Variants in B4GALNT3 observed in about 807,000 individuals in gnomAD.
B4GALNT3 encodes beta-1,4-N-acetylgalactosaminyltransferase 3.
Under a neutral mutation model 120.2 loss-of-function variants are expected in B4GALNT3, and 86 were observed. The ratio of observed to expected loss-of-function variants is 0.72; its 90% CI spans 0.60 to 0.86. The LOEUF (loss-of-function observed/expected upper bound fraction) is 0.86, where lower values mean the gene tolerates loss of function less well. Among genes scored for constraint, B4GALNT3 ranks in the 40% least tolerant of loss-of-function variants. The probability of loss-of-function intolerance (pLI) is 0.00; values close to 1 mark genes in which losing one functional copy is unlikely to be tolerated. For missense variants in B4GALNT3, 1,167 were observed against 1,298.9 expected (o/e 0.90, Z 1.56); for synonymous variants, 518 against 510.4 (o/e 1.01, Z -0.20).
chr12:551,312 G>T (rs1332231832), intron 11 of B4GALNT3, among the ~76,000 whole-genome samples: 1 of 152,224 alleles, frequency 6.6e-6, no homozygotes, highest in African/African-American at 2.4e-5. Context: ...TGGCCTGGCT[G>T]AGGCTTCTTA....
intron 9 of B4GALNT3, 101 bp from the exon 10 acceptor site, chr12:549,668 G>A: frequency 2.0e-6 from 3 of 1,472,892 alleles, no homozygotes; most frequent in Non-Finnish European, 2.8e-6. Flanking sequence ...CGCCGCTGGA[G>A]TCAGGAGCCC....
At chr12:549,656 G>A (rs754623493) in intron 9 of B4GALNT3, 113 bp from the exon 10 acceptor site, 201 of 1,352,582 alleles carry the variant, frequency 1.5e-4, no homozygotes, top group Admixed American at 2.1e-4. Flanking sequence ...ATCCTACACC[G>A]TCGCCGCTGG....
chr12:496,495 C>A (rs1423077132), intron 1 of B4GALNT3, among the ~76,000 whole-genome samples: 1 of 152,006 alleles, frequency 6.6e-6, no homozygotes, highest in African/African-American at 2.4e-5. Context: ...AGCTACCTGG[C>A]AGGCTGAGGC....
intron 1 of B4GALNT3, among the ~76,000 whole-genome samples, chr12:473,891 A>C (rs1202179060): frequency 6.6e-6 from 1 of 152,174 alleles, no homozygotes; most frequent in Non-Finnish European, 1.5e-5. Context: ...AAGAAAAAGA[A>C]GCAATAATCG....
intron 3 of B4GALNT3, among the ~76,000 whole-genome samples, chr12:537,455 C>T (rs2120669089): frequency 6.6e-6 from 1 of 152,284 alleles, no homozygotes; most frequent in Non-Finnish European, 1.5e-5. Flanking sequence ...CAGGGTCTCA[C>T]TATATTGCCC....
At chr12:513,605 T>G (rs957012710) in intron 1 of B4GALNT3, among the ~76,000 whole-genome samples, 8 of 152,224 alleles carry the variant, frequency 5.3e-5, no homozygotes, top group African/African-American at 1.9e-4. Flanking sequence ...ACCTGTATCT[T>G]ATGCCTCCTA....
chr12:557,073 T>A (rs118012406), intron 15 of B4GALNT3, among the ~76,000 whole-genome samples: 1,949 of 152,268 alleles, frequency 0.013, 21 homozygotes, highest in Non-Finnish European at 0.019. Context: ...AAACACTGCC[T>A]CATAGGCCAG....
chr12:557,545 GCGCTCATC>G, intron 15 of B4GALNT3, 55 bp from the exon 16 acceptor site: 11 of 1,539,234 alleles, frequency 7.1e-6, no homozygotes, highest in Non-Finnish European at 8.8e-6. Context: ...GGGGGTGGAG[GCGCTCATC>G]CGCTCATCTT....
At chr12:559,481 G>T (rs1947200201) in intron 19 of B4GALNT3, 60 bp downstream of exon 19, 2 of 1,601,890 alleles carry the variant, frequency 1.2e-6, no homozygotes, top group Non-Finnish European at 1.7e-6. Context: ...TCCAGGCAGG[G>T]AGCCAGGCTA....
At chr12:538,675 C>T (rs554896868) in intron 3 of B4GALNT3, among the ~76,000 whole-genome samples, 50 of 151,546 alleles carry the variant, frequency 3.3e-4, no homozygotes, top group African/African-American at 1.2e-3. Context: ...ACAAAATATT[C>T]ATTACAGTCT....
intron 1 of B4GALNT3, among the ~76,000 whole-genome samples, chr12:492,989 A>G (rs1009201701): frequency 6.6e-6 from 1 of 152,180 alleles, no homozygotes; most frequent in South Asian, 2.1e-4. Flanking sequence ...TAAAACTTCT[A>G]GACAACCACA....
chr12:465,351 C>T (rs73590332), intron 1 of B4GALNT3, among the ~76,000 whole-genome samples: 4 of 152,226 alleles, frequency 2.6e-5, no homozygotes, highest in South Asian at 4.1e-4. Context: ...AATGTGTCAG[C>T]TCTGAATTTC....
At chr12:501,167 G>A (rs922991423) in intron 1 of B4GALNT3, among the ~76,000 whole-genome samples, 3 of 152,024 alleles carry the variant, frequency 2.0e-5, no homozygotes, top group Non-Finnish European at 4.4e-5. Flanking sequence ...GAGCCATTGC[G>A]CTGGCCCCAC....
chr12:538,702 G>A (rs1255519021), intron 3 of B4GALNT3, among the ~76,000 whole-genome samples: 2 of 152,072 alleles, frequency 1.3e-5, no homozygotes, highest in Non-Finnish European at 2.9e-5. Context: ...ATGTTCAGGG[G>A]TTCACTGATC....
At chr12:558,185 G>A (rs1235854724) in intron 17 of B4GALNT3, 97 bp downstream of exon 17, 5 of 1,359,876 alleles carry the variant, frequency 3.7e-6, no homozygotes, top group Non-Finnish European at 5.2e-6. Context: ...CCCTCAGGGA[G>A]GACGGGAATG....
chr12:460,574 C>T lies in B4GALNT3; in HGVS notation c.169+29C>T, dbSNP rs1262127583. 1.5e-6 allele frequency: 2 copies of T among 1,364,542 alleles called. No homozygotes were observed. The highest frequency in any genetic ancestry group is 3.0e-5 in the East Asian group (1 of 33,108). 84.5% of individuals were successfully genotyped at this position (1,364,542 alleles called of 1,614,324 possible). ...AGTAGCACCCAGGGGAGGCGAAGGGCGCGGGGGTGGGCGGCGGCGGCGGCT... is the reference window on the plus strand; with the variant it reads ...AGTAGCACCCAGGGGAGGCGAAGGGTGCGGGGGTGGGCGGCGGCGGCGGCT... On this transcript the variant is annotated intron_variant, in intron 1 of 19. Transcript: ENST00000266383. This position sits in a 1 kb window ranked among gnomAD's most constrained non-coding sequence, Gnocchi z 8.0.
chr12:469,933 T>C (rs1946119091), intron 1 of B4GALNT3, among the ~76,000 whole-genome samples: 2 of 152,168 alleles, frequency 1.3e-5, no homozygotes, highest in African/African-American at 2.4e-5. Context: ...ATTACAGGCA[T>C]GAGCCACCGC....
At chr12:535,362 T>C in intron 2 of B4GALNT3, 93 bp downstream of exon 2, 1 of 1,038,460 alleles carries the variant, frequency 9.6e-7, no homozygotes, top group Admixed American at 2.1e-5. Flanking sequence ...CCTCTGCTAC[T>C]CTGGGAGGAG....
intron 11 of B4GALNT3, 146 bp from the exon 12 acceptor site, chr12:551,917 G>A (rs563792159): frequency 1.2e-4 from 83 of 669,926 alleles, no homozygotes; most frequent in East Asian, 3.8e-4. Context: ...TTCATTCGGC[G>A]CTCAGAGCAA....
Sources: gnomAD v4.1 joint callset for allele counts (sites outside exome capture counted in the v4.1 genomes callset) on GRCh38, gnomAD v4.1.1 for gene constraint, Gnocchi (gnomAD v3.1) non-coding constraint, MANE v1.5 for transcripts, NCBI Gene and HGNC (gene_info 2026-07-23, HGNC 2026-07-21) for gene names.